The following SLC27A2 variants were observed in gnomAD, a reference collection of about 807,000 sequenced individuals.
SLC27A2 encodes the protein solute carrier family 27 member 2.
A neutral mutation model predicts 60.0 loss-of-function variants in SLC27A2; 54 were observed. That is an observed-to-expected ratio of 0.90 (90% CI 0.72 to 1.13). The LOEUF (loss-of-function observed/expected upper bound fraction) is 1.13. Among genes scored for constraint, SLC27A2 ranks in the 50% most tolerant of loss-of-function variants. SLC27A2 has a pLI of 0.00. For missense variants in SLC27A2, 739 were observed against 777.6 expected (o/e 0.95, Z 0.59); for synonymous variants, 297 against 297.6 (o/e 1.00, Z 0.02).
intron 8 of SLC27A2, among the ~76,000 whole-genome samples, chr15:50,232,827 T>G (rs1365181137): frequency 6.6e-6 from 1 of 152,158 alleles, no homozygotes; most frequent in Non-Finnish European, 1.5e-5. Flanking sequence ...AGGGGGCATC[T>G]TTTTTTCCTT....
chr15:50,205,184 T>G, intron 3 of SLC27A2, 55 bp from the exon 4 acceptor site: 1 of 1,560,654 alleles, frequency 6.4e-7, no homozygotes, highest in Non-Finnish European at 8.7e-7. Flanking sequence ...TAAACATAAC[T>G]GGGAGAATTT....
chr15:50,202,385 C>T (rs1251111467), intron 2 of SLC27A2, 102 bp from the exon 3 acceptor site: 43 of 1,241,868 alleles, frequency 3.5e-5, no homozygotes, highest in Non-Finnish European at 4.8e-5. Context: ...CAGTGCAATT[C>T]TCAAAATACA....
At chr15:50,211,240 C>A (rs1041491169) in intron 4 of SLC27A2, among the ~76,000 whole-genome samples, 2 of 152,190 alleles carry the variant, frequency 1.3e-5, no homozygotes, top group Admixed American at 1.3e-4. Context: ...GCATCCTCTG[C>A]CACTTCCACT....
At chr15:50,206,240 TC>T (rs1435870395) in intron 4 of SLC27A2, among the ~76,000 whole-genome samples, 6 of 152,088 alleles carry the variant, frequency 3.9e-5, no homozygotes, top group South Asian at 2.1e-4. Context: ...CAGGTCATGA[TC>T]ATCAAAATGT....
At position 50,234,008 on chromosome 15, in the gene SLC27A2, C is replaced by G. The variant is rs1317629824; in HGVS notation, c.1686+10C>G. On this transcript the variant is annotated intron_variant, in intron 9 of 9. Coordinates refer to ENST00000267842, the MANE Select transcript of SLC27A2 (RefSeq NM_003645.4). ...GTTTCTAAGAATACAGGTGAGATCT[C>G]TTATTATCCAGTTCAATGATCTGTC... 6.3e-7 allele frequency: 1 copy of G among 1,598,292 alleles called. No individual in the cohort carries two copies. The highest frequency in any genetic ancestry group is 2.2e-5 in the East Asian group (1 of 44,660).
chr15:50,226,481 CA>C (rs2045279357), intron 6 of SLC27A2, among the ~76,000 whole-genome samples: 1 of 152,170 alleles, frequency 6.6e-6, no homozygotes, highest in African/African-American at 2.4e-5. Flanking sequence ...CCTGTAATCC[CA>C]ACACTTTGGG....
chr15:50,192,647 T>C (rs2044983144), intron 1 of SLC27A2, among the ~76,000 whole-genome samples: 1 of 151,806 alleles, frequency 6.6e-6, no homozygotes, highest in Non-Finnish European at 1.5e-5. Flanking sequence ...CAGGCTCAGG[T>C]GATCCTCCCA....
intron 4 of SLC27A2, among the ~76,000 whole-genome samples, chr15:50,206,244 C>T (rs2045110885): frequency 6.6e-6 from 1 of 152,146 alleles, no homozygotes; most frequent in Non-Finnish European, 1.5e-5. Context: ...TCATGATCAT[C>T]AAAATGTCTC....
chr15:50,199,343 G>A (rs994536071), intron 2 of SLC27A2, among the ~76,000 whole-genome samples: 8 of 151,772 alleles, frequency 5.3e-5, no homozygotes, highest in East Asian at 1.9e-4. Flanking sequence ...GTGTGGTAGC[G>A]GGCACCTGTA....
chr15:50,188,066 G>C (rs1725977694), intron 1 of SLC27A2, among the ~76,000 whole-genome samples: 1 of 152,002 alleles, frequency 6.6e-6, no homozygotes, highest in Non-Finnish European at 1.5e-5. Context: ...TTAGTTCAAG[G>C]ATCTTACAGT....
chr15:50,232,948 C>T (rs2045325906), intron 8 of SLC27A2, among the ~76,000 whole-genome samples: 4 of 152,324 alleles, frequency 2.6e-5, no homozygotes. Context: ...TCTCTGATTA[C>T]AGCTGAGTAG....
At chr15:50,234,998 T>C (rs1435193415) in intron 9 of SLC27A2, among the ~76,000 whole-genome samples, 1 of 148,532 alleles carries the variant, frequency 6.7e-6, no homozygotes, top group Non-Finnish European at 1.5e-5. Context: ...TAATTGGACA[T>C]TAGCCAGCTG....
At chr15:50,232,146 A>G (rs927008235) in intron 8 of SLC27A2, among the ~76,000 whole-genome samples, 4 of 152,242 alleles carry the variant, frequency 2.6e-5, no homozygotes, top group African/African-American at 9.6e-5. Flanking sequence ...GTAAGGCATC[A>G]TTCCACTATG....
At chr15:50,214,330 A>G (rs2045179758) in intron 4 of SLC27A2, among the ~76,000 whole-genome samples, 1 of 152,100 alleles carries the variant, frequency 6.6e-6, no homozygotes, top group African/African-American at 2.4e-5. Context: ...GTAATTTAAA[A>G]ATTACCGACA....
At chr15:50,223,280 T>G in intron 5 of SLC27A2, 121 bp downstream of exon 5, 1 of 629,464 alleles carries the variant, frequency 1.6e-6, no homozygotes, top group Non-Finnish European at 2.6e-6. Context: ...GGCCCATTCC[T>G]ATCACCAAGA....
chr15:50,236,300 C>CTGTT lies in SLC27A2; in HGVS notation c.*208_*211dup, dbSNP rs530884929. ...ATTATTATTTTTCAGTGTGCACCTACTGTTTGTATTTGCAAACTGAGCTTG... is the reference window on the plus strand; with the variant it reads ...ATTATTATTTTTCAGTGTGCACCTACTGTTTGTTTGTATTTGCAAACTGAGCTTG... On this transcript the variant is annotated 3_prime_UTR_variant, in exon 10 of 10. Coordinates refer to ENST00000267842, the MANE Select transcript of SLC27A2 (RefSeq NM_003645.4). 3.5e-3 allele frequency: 1,472 copies of CTGTT among 425,136 alleles called. 13 individuals are homozygous for CTGTT. Among genetic ancestry groups the CTGTT allele is most frequent in the South Asian group, 0.031 (418 of 13,362 alleles). 26.3% of individuals were successfully genotyped at this position (425,136 alleles called of 1,614,324 possible). A position where few individuals can be genotyped will look rare whatever the true frequency, so the allele number is the denominator to read the frequency against.
chr15:50,185,409 A>C (rs974997092), intron 1 of SLC27A2, among the ~76,000 whole-genome samples: 3 of 152,174 alleles, frequency 2.0e-5, no homozygotes, highest in Non-Finnish European at 4.4e-5. Context: ...CATGAAGCAA[A>C]ATTACAGTCT....
intron 1 of SLC27A2, among the ~76,000 whole-genome samples, chr15:50,184,561 C>T (rs1254675164): frequency 1.3e-5 from 2 of 151,896 alleles, no homozygotes; most frequent in Non-Finnish European, 2.9e-5. Flanking sequence ...TTAGGCTGGG[C>T]GCAGTGGCTC....
chr15:50,232,332 G>A (rs2045321572), intron 8 of SLC27A2, among the ~76,000 whole-genome samples: 1 of 152,226 alleles, frequency 6.6e-6, no homozygotes, highest in South Asian at 2.1e-4. Context: ...CAGTATGATA[G>A]CCAATAGCCA....
Sources: gnomAD v4.1 joint callset for allele counts (sites outside exome capture counted in the v4.1 genomes callset) on GRCh38, gnomAD v4.1.1 for gene constraint, MANE v1.5 for transcripts, NCBI Gene and HGNC (gene_info 2026-07-23, HGNC 2026-07-21) for gene names.